Variants in ADAMTS20 observed in about 807,000 individuals in gnomAD.
ADAMTS20 encodes ADAM metallopeptidase with thrombospondin type 1 motif 20.
Under a neutral mutation model 260.1 loss-of-function variants are expected in ADAMTS20, and 225 were observed. The ratio of observed to expected loss-of-function variants is 0.87; its 90% CI spans 0.78 to 0.97. The LOEUF (loss-of-function observed/expected upper bound fraction) is 0.97, where lower values mean the gene tolerates loss of function less well. Among genes scored for constraint, ADAMTS20 ranks in the 50% least tolerant of loss-of-function variants. The pLI is 0.00. For missense variants in ADAMTS20, 2,400 were observed against 2,337.7 expected (o/e 1.03, Z -0.55); for synonymous variants, 802 against 769.5 (o/e 1.04, Z -0.70).
chr12:43,518,558 C>T (rs1437924079), intron 3 of ADAMTS20, among the ~76,000 whole-genome samples: 1 of 151,930 alleles, frequency 6.6e-6, no homozygotes, highest in East Asian at 1.9e-4. Flanking sequence ...TAGTCTATTC[C>T]CCAGACAATC....
At position 43,417,938 on chromosome 12, in the gene ADAMTS20, C is replaced by T. The variant is rs554772301; in HGVS notation, c.4284+7576G>A. Among the ~76,000 whole-genome samples, 4 of 152,262 alleles carry T rather than the reference C, an allele frequency of 2.6e-5. No homozygotes were observed. In the South Asian group the frequency reaches 6.2e-4, roughly 24 times the overall value. ...AGGAAGATATATGAACTCTATCATA[C>T]GTATAACTCAAAATCATCTGTAGTG... On this transcript the variant is annotated intron_variant, in intron 28 of 38. Transcript: ENST00000389420.
intron 3 of ADAMTS20, among the ~76,000 whole-genome samples, chr12:43,529,352 C>T (rs1943189620): frequency 1.3e-5 from 2 of 152,116 alleles, no homozygotes; most frequent in South Asian, 4.1e-4. Context: ...CACATGCACA[C>T]ATATGTTTAT....
At chr12:43,398,972 G>A in intron 29 of ADAMTS20, 94 bp downstream of exon 29, 1 of 881,888 alleles carries the variant, frequency 1.1e-6, no homozygotes, top group Non-Finnish European at 1.5e-6. Flanking sequence ...AAATTTTAGA[G>A]AAGCAAAACA....
intron 3 of ADAMTS20, among the ~76,000 whole-genome samples, chr12:43,526,173 G>A (rs1033291250): frequency 3.9e-5 from 6 of 152,218 alleles, no homozygotes; most frequent in East Asian, 1.9e-4. Flanking sequence ...GAATGATATC[G>A]GCCAGGCGCG....
chr12:43,550,946 T>C lies in ADAMTS20; in HGVS notation c.416A>G (p.Glu139Gly). The C allele has an allele frequency of 1.3e-6, 2 of 1,591,058 alleles. No homozygotes were observed. The highest frequency in any genetic ancestry group is 1.7e-6 in the Non-Finnish European group (2 of 1,165,588). Residue 139 changes from glutamate to glycine, a missense_variant, in exon 2 of 39, where the codon GAG (glutamate) becomes GGG (glycine). Physicochemically the swap from Glu to Gly is moderately conservative, Grantham distance 98. Coordinates refer to ENST00000389420, the MANE Select transcript of ADAMTS20 (RefSeq NM_025003.5). ...TAAGCTGACGACGGCCTTGTAATCC[T>C]CCTGTGAGTTGACCTGGCCGCGGTA... The part of the protein sequence containing the change: ...CFYRGQVNSQ[E>G]DYKAVVSLCG...
At chr12:43,409,385 G>A (rs997865185) in intron 28 of ADAMTS20, among the ~76,000 whole-genome samples, 1 of 151,446 alleles carries the variant, frequency 6.6e-6, no homozygotes, top group African/African-American at 2.4e-5. Context: ...GGCGGATCAC[G>A]AGGTCAGGAG....
At chr12:43,438,477 C>T (rs1941598785) in intron 18 of ADAMTS20, among the ~76,000 whole-genome samples, 1 of 152,152 alleles carries the variant, frequency 6.6e-6, no homozygotes, top group Non-Finnish European at 1.5e-5. Flanking sequence ...TATCTTGCAT[C>T]ATTTCCTTGT....
Position 43,493,270 on chromosome 12 carries a change from T to C in ADAMTS20, c.868-17A>G. On this transcript the variant is annotated splice_polypyrimidine_tract_variant and intron_variant, in intron 4 of 38. Coordinates refer to ENST00000389420, the MANE Select transcript of ADAMTS20 (RefSeq NM_025003.5). ...TGTTGCAACCTGCATGTAAAAAAAA[T>C]GTAGGATTAGTTGTTTAAAATGAAT... The C allele has an allele frequency of 1.3e-6, 2 of 1,493,510 alleles. No individual in the cohort carries two copies. Among genetic ancestry groups the C allele is most frequent in the Non-Finnish European group, 1.8e-6 (2 of 1,100,954 alleles). 92.5% of individuals were successfully genotyped at this position (1,493,510 alleles called of 1,614,324 possible). A position where few individuals can be genotyped will look rare whatever the true frequency, so the allele number is the denominator to read the frequency against.
At chr12:43,462,812 TAAC>T in intron 11 of ADAMTS20, 80 bp downstream of exon 11, 1 of 1,143,124 alleles carries the variant, frequency 8.7e-7, no homozygotes. Context: ...TGACAGCAAA[TAAC>T]AAACAGAGTG....
intron 2 of ADAMTS20, among the ~76,000 whole-genome samples, chr12:43,549,583 T>C (rs1329513916): frequency 6.6e-6 from 1 of 152,144 alleles, no homozygotes; most frequent in African/African-American, 2.4e-5. Context: ...ATAATGACCA[T>C]GACAAATTTG....
chr12:43,428,777 C>A lies in ADAMTS20; in HGVS notation c.3512G>T (p.Gly1171Val). ...ACAGCTTACATAGCGGGCTTGAGTA[C>A]CTCTTCCACAAGATACGGAGCACTT... ...WTPCSVSCGRGTQARYVSCRD... is the reference protein window; with the variant it reads ...WTPCSVSCGRVTQARYVSCRD... The change falls in exon 25 of 39, where the codon GGT becomes GTT. Residue 1171 changes from glycine to valine, a missense_variant. Coordinates refer to ENST00000389420, the MANE Select transcript of ADAMTS20 (RefSeq NM_025003.5). 5 of 1,606,726 alleles carry A rather than the reference C, an allele frequency of 3.1e-6. No homozygotes were observed. The highest frequency in any genetic ancestry group is 4.3e-6 in the Non-Finnish European group (5 of 1,175,448).
At chr12:43,431,639 T>G in intron 21 of ADAMTS20, 143 bp from the exon 22 acceptor site, 1 of 944,784 alleles carries the variant, frequency 1.1e-6, no homozygotes, top group South Asian at 1.5e-5. Flanking sequence ...ACCAGAGATA[T>G]TCACTGGGTA....
In ADAMTS20 at chr12:43,354,026, T is replaced by C. The variant is rs1285318630; in HGVS notation, c.*183A>G. 1.6e-4 allele frequency: 68 copies of C among 415,590 alleles called. 1 individual carries two copies. The Admixed American group carries it at 2.8e-3, about 17-fold the overall frequency. The allele number at this position is 415,590 out of a possible 1,614,324, so 25.7% of individuals were successfully genotyped here. A position where few individuals can be genotyped will look rare whatever the true frequency, so the allele number is the denominator to read the frequency against. ...ATATAAAATAAATTAAGATAGCTCT[T>C]AAATTTCTTTTATAGACCTTATTAA... On this transcript the variant is annotated 3_prime_UTR_variant, in exon 39 of 39. Coordinates refer to ENST00000389420, the MANE Select transcript of ADAMTS20 (RefSeq NM_025003.5).
At chr12:43,510,141 C>T (rs1942902543) in intron 3 of ADAMTS20, among the ~76,000 whole-genome samples, 1 of 152,020 alleles carries the variant, frequency 6.6e-6, no homozygotes, top group Non-Finnish European at 1.5e-5. Flanking sequence ...GTCCAGAATG[C>T]ATTTTTAAGT....
chr12:43,353,171 G>T (rs867357546), downstream of ADAMTS20, among the ~76,000 whole-genome samples: 32 of 151,566 alleles, frequency 2.1e-4, no homozygotes, highest in Admixed American at 5.3e-4. Context: ...TTATCTGCAT[G>T]AAAAAAACTC....
chr12:43,480,262 C>A (rs890828993), intron 7 of ADAMTS20, among the ~76,000 whole-genome samples: 1 of 152,038 alleles, frequency 6.6e-6, no homozygotes, highest in African/African-American at 2.4e-5. Context: ...AAATTACAGG[C>A]CATCTTCACT....
intron 16 of ADAMTS20, 68 bp downstream of exon 16, chr12:43,443,723 T>C (rs1287664761): frequency 6.3e-6 from 8 of 1,273,632 alleles, no homozygotes; most frequent in African/African-American, 1.5e-5. Flanking sequence ...AGAATTCACA[T>C]CAACTACAGA....
chr12:43,437,622 G>A (rs543767758), intron 18 of ADAMTS20, among the ~76,000 whole-genome samples: 1 of 152,234 alleles, frequency 6.6e-6, no homozygotes, highest in African/African-American at 2.4e-5. Flanking sequence ...CTAAACTATT[G>A]ATCGAGCATG....
chr12:43,409,612 A>AAAAAAAAAC (rs1940991232), intron 28 of ADAMTS20, among the ~76,000 whole-genome samples: 2 of 144,608 alleles, frequency 1.4e-5, no homozygotes, highest in African/African-American at 2.6e-5. Context: ...AAAAAAAAAA[A>AAAAAAAAAC]AAAAAAAAAA....
Sources: allele counts gnomAD v4.1 joint callset (sites outside exome capture counted in the v4.1 genomes callset), GRCh38; gene constraint gnomAD v4.1.1; transcripts MANE v1.5; gene names NCBI Gene and HGNC (gene_info 2026-07-23, HGNC 2026-07-21).